DNAH11: variants seen among roughly 807,000 people sequenced by gnomAD.
The protein encoded by DNAH11 is dynein axonemal heavy chain 11.
Under a neutral mutation model 526.0 loss-of-function variants are expected in DNAH11, and 442 were observed. The ratio of observed to expected loss-of-function variants is 0.84; its 90% CI spans 0.78 to 0.91. The LOEUF (loss-of-function observed/expected upper bound fraction) is 0.91, where lower values mean the gene tolerates loss of function less well. Ranked by LOEUF, DNAH11 falls within the 40% of genes least tolerant of loss-of-function variation. The pLI is 0.00. For synonymous variants in DNAH11, 2,461 were observed against 1,935.9 expected (o/e 1.27, Z -7.12); for missense variants, 6,989 against 5,448.7 (o/e 1.28, Z -8.90).
At chr7:21,870,772 A>G (rs1165616636) in intron 73 of DNAH11, among the ~76,000 whole-genome samples, 1 of 152,198 alleles carries the variant, frequency 6.6e-6, no homozygotes, top group Non-Finnish European at 1.5e-5. Context: ...CTACTTTTGG[A>G]TATTTGTTTC....
At chr7:21,745,670 C>T (rs10237398) in intron 51 of DNAH11, among the ~76,000 whole-genome samples, 7,032 of 152,020 alleles carry the variant, frequency 0.046, 539 homozygotes, top group African/African-American at 0.16. Context: ...TACATGTTAG[C>T]GACGAAAATG....
At chr7:21,586,780 G>C (rs1784491309) in intron 9 of DNAH11, among the ~76,000 whole-genome samples, 1 of 152,086 alleles carries the variant, frequency 6.6e-6, no homozygotes, top group African/African-American at 2.4e-5. Context: ...TTCTTTCAGA[G>C]AAAATACCTA....
intron 8 of DNAH11, among the ~76,000 whole-genome samples, chr7:21,580,673 T>TGG (rs2128440547): frequency 6.6e-6 from 1 of 152,314 alleles, no homozygotes; most frequent in South Asian, 2.1e-4. Flanking sequence ...GGTGGAAGGA[T>TGG]GGAGGAGTCT....
intron 45 of DNAH11, among the ~76,000 whole-genome samples, chr7:21,728,339 C>G (rs1785228106): frequency 7.0e-6 from 1 of 143,338 alleles, no homozygotes; most frequent in Non-Finnish European, 1.5e-5. Context: ...CTCACTGCAA[C>G]CTCAGCCTCC....
intron 54 of DNAH11, among the ~76,000 whole-genome samples, chr7:21,755,275 C>T (rs1032591591): frequency 6.6e-6 from 1 of 152,146 alleles, no homozygotes; most frequent in Non-Finnish European, 1.5e-5. Context: ...TGCCAAATGC[C>T]TTCTCTCCTT....
At chr7:21,585,889 T>A (rs949467870) in intron 9 of DNAH11, among the ~76,000 whole-genome samples, 1 of 152,144 alleles carries the variant, frequency 6.6e-6, no homozygotes, top group Non-Finnish European at 1.5e-5. Context: ...AAGAGAAGCA[T>A]GTGGTGGGAA....
At chr7:21,590,547 C>T (rs1784634052) in intron 12 of DNAH11, among the ~76,000 whole-genome samples, 1 of 152,170 alleles carries the variant, frequency 6.6e-6, no homozygotes, top group Non-Finnish European at 1.5e-5. Context: ...GCATACTCTG[C>T]ACCCAAATTC....
At chr7:21,578,716 A>G (rs1172521503) in intron 8 of DNAH11, among the ~76,000 whole-genome samples, 1 of 152,172 alleles carries the variant, frequency 6.6e-6, no homozygotes, top group Non-Finnish European at 1.5e-5. Context: ...AGGTGTTTCC[A>G]TACATTCTCT....
At chr7:21,818,428 G>T in intron 65 of DNAH11, 89 bp downstream of exon 65, 1 of 1,416,682 alleles carries the variant, frequency 7.1e-7, no homozygotes, top group Non-Finnish European at 9.6e-7. Context: ...GCAGTCTATT[G>T]AAATCTTAGT....
intron 26 of DNAH11, among the ~76,000 whole-genome samples, chr7:21,636,936 GC>G (rs1786890960): frequency 1.3e-5 from 2 of 152,066 alleles, no homozygotes; most frequent in Non-Finnish European, 2.9e-5. Context: ...TTCTGTAAAA[GC>G]CATAGAAAGC....
intron 81 of DNAH11, among the ~76,000 whole-genome samples, 187 bp downstream of exon 81, chr7:21,900,307 A>T (rs564700079): frequency 6.6e-6 from 1 of 152,200 alleles, no homozygotes; most frequent in Non-Finnish European, 1.5e-5. Context: ...CCAAACTGTA[A>T]TATTTGGGGT....
chr7:21,565,503 C>T (rs1171529324), intron 6 of DNAH11, among the ~76,000 whole-genome samples: 1 of 152,208 alleles, frequency 6.6e-6, no homozygotes, highest in Non-Finnish European at 1.5e-5. Flanking sequence ...GACCAAAGAA[C>T]AGGTCTGCAG....
intron 18 of DNAH11, 66 bp from the exon 19 acceptor site, chr7:21,606,360 A>T (rs951603453): frequency 8.7e-6 from 11 of 1,263,956 alleles, no homozygotes; most frequent in Non-Finnish European, 1.1e-5. Context: ...AGAGTCATTT[A>T]ATCCTATAGG....
chr7:21,866,758 C>G, intron 71 of DNAH11, 95 bp downstream of exon 71: 3 of 1,295,548 alleles, frequency 2.3e-6, no homozygotes, highest in Non-Finnish European at 2.1e-6. Flanking sequence ...TGTTTACCAT[C>G]CATTTTGATG....
chr7:21,841,738 A>G (rs138100337), intron 65 of DNAH11, among the ~76,000 whole-genome samples: 2 of 152,314 alleles, frequency 1.3e-5, no homozygotes, highest in Admixed American at 1.3e-4. Flanking sequence ...TTAGAAAAGG[A>G]ATGAATGAGT....
intron 68 of DNAH11, among the ~76,000 whole-genome samples, chr7:21,861,353 A>C (rs1361602569): frequency 6.6e-6 from 1 of 152,180 alleles, no homozygotes; most frequent in Non-Finnish European, 1.5e-5. Flanking sequence ...ACGTGAAGAG[A>C]ATCTGTACTG....
intron 15 of DNAH11, 70 bp from the exon 16 acceptor site, chr7:21,600,606 G>A (rs1785041919): frequency 4.1e-6 from 6 of 1,450,034 alleles, no homozygotes; most frequent in Non-Finnish European, 5.5e-6. Flanking sequence ...CCTTGGTAAT[G>A]TTATGTTGTA....
At chr7:21,869,571 A>G (rs1783420370) in intron 73 of DNAH11, among the ~76,000 whole-genome samples, 1 of 152,090 alleles carries the variant, frequency 6.6e-6, no homozygotes, top group African/African-American at 2.4e-5. Context: ...ATACCAGGCC[A>G]CTGCCCAGGA....
Position 21,545,039 on chromosome 7 carries a change from A to G in DNAH11, c.385A>G (p.Ile129Val). 1 of 1,596,456 alleles carries G rather than the reference A, an allele frequency of 6.3e-7. No homozygotes were observed. The highest frequency in any genetic ancestry group is 8.5e-7 in the Non-Finnish European group (1 of 1,171,052). The change falls in exon 2 of 82, where the codon ATT becomes GTT. Residue 129 changes from isoleucine (I) to valine (V), a missense_variant. Transcript: ENST00000409508. ...AGATGCAAACCATAAACTTGTTTTT[A>G]TTTCCAAGAAGATTACTGAAAGCAT... ...PRDANHKLVFISKKITESIGV... is the reference protein window; with the variant it reads ...PRDANHKLVFVSKKITESIGV...
Sources: allele counts gnomAD v4.1 joint callset (sites outside exome capture counted in the v4.1 genomes callset), GRCh38; gene constraint gnomAD v4.1.1; transcripts MANE v1.5; gene names NCBI Gene and HGNC (gene_info 2026-07-23, HGNC 2026-07-21).